Variants in USP54 observed in about 807,000 individuals in gnomAD.
USP54 encodes ubiquitin specific peptidase 54.
USP54 carries 87 observed loss-of-function variants against 170.5 expected under a neutral mutation model. That is an observed-to-expected ratio of 0.51 (90% CI 0.43 to 0.61). The LOEUF is 0.61. Ranked by LOEUF, USP54 falls within the 20% of genes least tolerant of loss-of-function variation. USP54 has a pLI of 0.00. For missense variants in USP54, 1,786 were observed against 2,047.8 expected (o/e 0.87, Z 2.47); for synonymous variants, 655 against 742.8 (o/e 0.88, Z 1.92).
chr10:73,529,746 C>T lies in USP54; in HGVS notation c.1994G>A (p.Ser665Asn), dbSNP rs1003658224. ...IQRMESGYES[S>N]ERNSSSPVSL... ...GACAGGGCTGCTGCTGTTCCTCTCA[C>T]TGCTTTCATAGCCAGATTCCATTCG... The change falls in exon 15 of 24, where the codon AGT becomes AAT. Residue 665 changes from serine to asparagine, a missense_variant. Transcript: ENST00000687698. The T allele has an allele frequency of 5.0e-6, 8 of 1,614,014 alleles. No homozygotes were observed. Among genetic ancestry groups the T allele is most frequent in the Non-Finnish European group, 5.9e-6 (7 of 1,179,904 alleles).
rs780779945 is a variant in USP54, at chr10:73,516,528, T to A, written c.3898A>T (p.Asn1300Tyr). The A allele has an allele frequency of 1.2e-6, 2 of 1,614,172 alleles. No individual in the cohort carries two copies. Among genetic ancestry groups the A allele is most frequent in the Non-Finnish European group, 1.7e-6 (2 of 1,180,026 alleles). Residue 1300 changes from asparagine (N) to tyrosine (Y), a missense_variant, in exon 20 of 24, where the codon AAT becomes TAT. By Grantham distance (143) the Asn-to-Tyr change is moderately radical (BLOSUM62 -2). Coordinates refer to ENST00000687698, the MANE Select transcript of USP54 (RefSeq NM_001391956.1). ...SHTCVTYPER[N>Y]HILLHPHWNQ... ...CAATGTGGATGCAAAAGGATGTGAT[T>A]TCTCTCTGGATAGGTTACACACGTA...
chr10:73,536,848 T>C (rs985520235), intron 10 of USP54, among the ~76,000 whole-genome samples: 2 of 152,196 alleles, frequency 1.3e-5, no homozygotes, highest in African/African-American at 4.8e-5. Flanking sequence ...TCCCAAATAT[T>C]AAAATCACTT....
chr10:73,592,717 G>A (rs2078367030), upstream of USP54, among the ~76,000 whole-genome samples: 1 of 152,128 alleles, frequency 6.6e-6, no homozygotes, highest in African/African-American at 2.4e-5. Context: ...AATAAAACTA[G>A]AGTACTGGGA....
intron 9 of USP54, 26 bp downstream of exon 9, chr10:73,541,349 G>T: frequency 6.2e-7 from 1 of 1,613,414 alleles, no homozygotes; most frequent in Non-Finnish European, 8.5e-7. Context: ...AACTCAAAGT[G>T]AGAGATAAAG....
intron 1 of USP54, chr10:73,624,299 G>C (rs1052404467): frequency 1.4e-5 from 2 of 146,768 alleles, no homozygotes; most frequent in Non-Finnish European, 3.0e-5. Flanking sequence ...CGGGGTTCAA[G>C]CGATTCTCCT....
chr10:73,603,054 A>G (rs1458812422), intron 1 of USP54, among the ~76,000 whole-genome samples: 1 of 152,050 alleles, frequency 6.6e-6, no homozygotes, highest in Non-Finnish European at 1.5e-5. Flanking sequence ...CACCCTAATT[A>G]GCCTTCCCCA....
intron 3 of USP54, among the ~76,000 whole-genome samples, chr10:73,574,551 C>T (rs547724020): frequency 1.1e-4 from 16 of 151,716 alleles, no homozygotes; most frequent in Middle Eastern, 3.4e-3. Flanking sequence ...CTGAGGCAGG[C>T]GGATCACTTG....
chr10:73,614,375 C>G (rs1168295486), intron 1 of USP54, among the ~76,000 whole-genome samples: 2 of 150,062 alleles, frequency 1.3e-5, no homozygotes, highest in Non-Finnish European at 2.9e-5. Flanking sequence ...GCATGGCCAA[C>G]ATAGTGAAAC....
At chr10:73,622,624 C>T (rs1042887119) in intron 1 of USP54, among the ~76,000 whole-genome samples, 3 of 151,862 alleles carry the variant, frequency 2.0e-5, no homozygotes, top group Non-Finnish European at 4.4e-5. Context: ...GTGCCTGGTC[C>T]GTATTTATTT....
At chr10:73,625,471 G>C (rs1271112532) in intron 1 of USP54, 1 of 151,946 alleles carries the variant, frequency 6.6e-6, no homozygotes, top group Non-Finnish European at 1.5e-5. Flanking sequence ...GGCAGAGCCG[G>C]GGGATCTGTA....
At chr10:73,572,882 A>G (rs1008363731) in intron 3 of USP54, among the ~76,000 whole-genome samples, 5 of 152,198 alleles carry the variant, frequency 3.3e-5, no homozygotes, top group Non-Finnish European at 7.3e-5. Context: ...ACAATTACAA[A>G]AATGGGACTA....
Position 73,530,710 on chromosome 10 carries a change from T to C in USP54, c.1441A>G (p.Ser481Gly). The change falls in exon 13 of 24, where the codon AGT (serine) becomes GGT (glycine). Residue 481 changes from serine (S) to glycine (G), a missense_variant. Ser to Gly is a moderately conservative substitution (Grantham distance 56). Around this residue, in one of 3 missense-constraint regions of USP54, gnomAD observed 1,418 missense variants for 1,569.0 expected, o/e 0.90. Coordinates refer to ENST00000687698, the MANE Select transcript of USP54 (RefSeq NM_001391956.1). ...GCAGTGCAGAAGGGCTTGCCTTCAC[T>C]GTGGTATCCCGAGGCCTGGGGCTCA... ...GDEPQASGYH[S>G]EGETLKEKQA... 5 of 1,614,158 alleles carry C rather than the reference T, an allele frequency of 3.1e-6. No homozygotes were observed. The highest frequency in any genetic ancestry group is 4.2e-6 in the Non-Finnish European group (5 of 1,180,014).
At chr10:73,501,426 C>G (rs1303700495) in intron 22 of USP54, among the ~76,000 whole-genome samples, 1 of 152,134 alleles carries the variant, frequency 6.6e-6, no homozygotes, top group African/African-American at 2.4e-5. Flanking sequence ...CCTTTAACAT[C>G]TGAAACACTA....
At chr10:73,567,263 T>C (rs1208728424) in intron 4 of USP54, among the ~76,000 whole-genome samples, 1 of 152,252 alleles carries the variant, frequency 6.6e-6, no homozygotes, top group Non-Finnish European at 1.5e-5. Context: ...TTTCTGTGGT[T>C]TTACACAAAT....
chr10:73,580,331 A>AG (rs1191057367), intron 1 of USP54, among the ~76,000 whole-genome samples: 1 of 151,714 alleles, frequency 6.6e-6, no homozygotes, highest in Non-Finnish European at 1.5e-5. Context: ...AAAAAAAAAA[A>AG]AAAAGAAAGA....
At chr10:73,611,911 C>T (rs1452251172) in intron 1 of USP54, among the ~76,000 whole-genome samples, 2 of 151,978 alleles carry the variant, frequency 1.3e-5, no homozygotes, top group Non-Finnish European at 2.9e-5. Context: ...GAGTTCCAGA[C>T]CAGGCTGCAC....
intron 1 of USP54, among the ~76,000 whole-genome samples, chr10:73,608,604 TTAA>T: frequency 6.6e-6 from 1 of 152,172 alleles, no homozygotes; most frequent in Middle Eastern, 3.4e-3. Flanking sequence ...TCAAAAACAT[TTAA>T]TAATTTGGCC....
chr10:73,584,658 T>G (rs892250745), intron 1 of USP54, among the ~76,000 whole-genome samples: 3 of 152,180 alleles, frequency 2.0e-5, no homozygotes, highest in Non-Finnish European at 2.9e-5. Context: ...TTCTATTTTC[T>G]AAATTAACTA....
intron 20 of USP54, among the ~76,000 whole-genome samples, chr10:73,516,078 G>A (rs1358509449): frequency 2.6e-5 from 4 of 151,916 alleles, no homozygotes; most frequent in Admixed American, 6.6e-5. Context: ...CACCGTGCCC[G>A]GCCCTGAACC....
Sources: gnomAD v4.1 joint callset for allele counts (sites outside exome capture counted in the v4.1 genomes callset) on GRCh38, gnomAD v4.1.1 for gene constraint, gnomAD v4.1.1 regional missense constraint, MANE v1.5 for transcripts, NCBI Gene and HGNC (gene_info 2026-07-23, HGNC 2026-07-21) for gene names.